Variants in RNF150 observed in about 807,000 individuals in gnomAD.
The protein encoded by RNF150 is ring finger protein 150.
RNF150 carries 24 observed loss-of-function variants against 39.3 expected under a neutral mutation model. That is an observed-to-expected ratio of 0.61 (90% CI 0.44 to 0.86). RNF150 has a LOEUF of 0.86. RNF150 is among the 40% of genes least tolerant of loss of function. The probability of loss-of-function intolerance (pLI) is 0.00; values close to 1 mark genes in which losing one functional copy is unlikely to be tolerated. For synonymous variants in RNF150, 255 were observed against 227.3 expected, an observed-to-expected ratio of 1.12 and a Z score of -1.10; for missense variants, 502 against 587.8, an observed-to-expected ratio of 0.85 and a Z score of 1.51.
chr4:141,067,950 AC>A (rs1737527294), intron 1 of RNF150, among the ~76,000 whole-genome samples: 1 of 141,766 alleles, frequency 7.1e-6, no homozygotes, highest in African/African-American at 2.6e-5. Context: ...GAGTCAAGAT[AC>A]TTTTTTTTTT....
intron 1 of RNF150, among the ~76,000 whole-genome samples, chr4:141,008,662 TC>T (rs1293347732): frequency 4.6e-5 from 7 of 152,204 alleles, no homozygotes; most frequent in Non-Finnish European, 1.0e-4. Context: ...AAAATTCCAT[TC>T]TTTCTCCTCT....
chr4:140,913,211 A>T (rs974890170), intron 5 of RNF150, among the ~76,000 whole-genome samples: 1 of 152,184 alleles, frequency 6.6e-6, no homozygotes, highest in Non-Finnish European at 1.5e-5. Flanking sequence ...CAGTGAGCCA[A>T]GATTGTCCCA....
At chr4:140,919,202 A>C (rs1419918779) in intron 5 of RNF150, among the ~76,000 whole-genome samples, 3 of 142,498 alleles carry the variant, frequency 2.1e-5, no homozygotes, top group African/African-American at 7.8e-5. Flanking sequence ...TAGGCAGGAG[A>C]AGGAAATAAA....
intron 1 of RNF150, among the ~76,000 whole-genome samples, chr4:141,040,861 TTTACAAAATTCAAATATACTTTAATA>T (rs1368052528): frequency 6.6e-6 from 1 of 152,176 alleles, no homozygotes; most frequent in African/African-American, 2.4e-5. Context: ...TAGATAATGT[TTTACAAAATTCAAATATACTTTAATA>T]TTACAAAATT....
intron 1 of RNF150, among the ~76,000 whole-genome samples, chr4:141,126,590 T>G (rs1198526809): frequency 6.6e-6 from 1 of 152,008 alleles, no homozygotes; most frequent in African/African-American, 2.4e-5. Context: ...AAGAGCCAGA[T>G]GGTAAAAAGT....
At chr4:140,905,804 C>T (rs762165973) in intron 6 of RNF150, among the ~76,000 whole-genome samples, 6 of 139,184 alleles carry the variant, frequency 4.3e-5, no homozygotes, top group Admixed American at 1.5e-4. Context: ...CCAAGACCTT[C>T]GTGGGGTCAA....
At chr4:140,878,909 A>G (rs1279708170) in intron 6 of RNF150, among the ~76,000 whole-genome samples, 2 of 152,162 alleles carry the variant, frequency 1.3e-5, no homozygotes, top group African/African-American at 4.8e-5. Context: ...TATTTAATTC[A>G]GTTTGAGTGA....
intron 6 of RNF150, among the ~76,000 whole-genome samples, chr4:140,895,627 G>A (rs1223590196): frequency 6.6e-6 from 1 of 152,202 alleles, no homozygotes; most frequent in Non-Finnish European, 1.5e-5. Flanking sequence ...CTGCTTAGCA[G>A]TTACCAACTC....
intron 1 of RNF150, among the ~76,000 whole-genome samples, chr4:141,195,166 G>T (rs1395478702): frequency 1.3e-5 from 2 of 151,618 alleles, no homozygotes; most frequent in African/African-American, 4.9e-5. Context: ...ACTAAAAAGA[G>T]AAGTTCCTCA....
chr4:141,060,125 G>C (rs1474890899), intron 1 of RNF150, among the ~76,000 whole-genome samples: 1 of 152,068 alleles, frequency 6.6e-6, no homozygotes, highest in Admixed American at 6.6e-5. Flanking sequence ...GACTGAAAAA[G>C]GTGGCTATAA....
chr4:140,865,747 C>A lies in RNF150; in HGVS notation c.*2514G>T, dbSNP rs1388834175. 6.6e-6 allele frequency: 1 copy of A among 152,474 alleles called. No individual in the cohort carries two copies. Among genetic ancestry groups the A allele is most frequent in the Admixed American group, 6.5e-5 (1 of 15,268 alleles). 9.4% of individuals were successfully genotyped at this position (152,474 alleles called of 1,614,324 possible). A position where few individuals can be genotyped will look rare whatever the true frequency, so the allele number is the denominator to read the frequency against. ...CCTGTAAGTGCAGCTGTGGCCAGGG[C>A]TTGCATATGCAATCAATTCCTGATT... On this transcript the variant is annotated 3_prime_UTR_variant, in exon 7 of 7. Transcript: ENST00000515673.
chr4:140,990,440 C>A (rs1734155465), intron 1 of RNF150, among the ~76,000 whole-genome samples: 1 of 152,132 alleles, frequency 6.6e-6, no homozygotes, highest in Admixed American at 6.6e-5. Flanking sequence ...CACCCATCAC[C>A]TAGGTATTAA....
chr4:140,875,327 C>A (rs1330923450), intron 6 of RNF150, among the ~76,000 whole-genome samples: 3 of 152,056 alleles, frequency 2.0e-5, no homozygotes, highest in Non-Finnish European at 4.4e-5. Flanking sequence ...CATGCACCAC[C>A]CATATCTGGC....
intron 1 of RNF150, among the ~76,000 whole-genome samples, chr4:141,115,912 A>C (rs542343818): frequency 6.6e-6 from 1 of 152,202 alleles, no homozygotes; most frequent in Non-Finnish European, 1.5e-5. Context: ...TATTTAACAA[A>C]TGGGTTTTGG....
At chr4:141,179,634 T>G (rs989813467) in intron 1 of RNF150, among the ~76,000 whole-genome samples, 1 of 152,178 alleles carries the variant, frequency 6.6e-6, no homozygotes, top group African/African-American at 2.4e-5. Flanking sequence ...GTTTCCTTTT[T>G]GCTTCTGGAT....
At chr4:141,019,790 T>C (rs554293601) in intron 1 of RNF150, among the ~76,000 whole-genome samples, 32 of 152,186 alleles carry the variant, frequency 2.1e-4, no homozygotes, top group Non-Finnish European at 3.4e-4. Context: ...CAAGGTTATT[T>C]TTTTGGTCCT....
chr4:140,880,286 G>T (rs182179336), intron 6 of RNF150, among the ~76,000 whole-genome samples: 1 of 152,052 alleles, frequency 6.6e-6, no homozygotes, highest in African/African-American at 2.4e-5. Flanking sequence ...CTGTTAATGT[G>T]GTGTATTACA....
chr4:140,911,929 AT>A (rs33941367), intron 5 of RNF150, among the ~76,000 whole-genome samples: 65,527 of 152,036 alleles, frequency 0.43, 14,607 homozygotes, highest in East Asian at 0.75. Context: ...CTATAGAAAA[AT>A]ATCCCTAAGT....
intron 6 of RNF150, among the ~76,000 whole-genome samples, chr4:140,900,981 A>G (rs1331647918): frequency 2.0e-5 from 3 of 152,210 alleles, no homozygotes; most frequent in Non-Finnish European, 4.4e-5. Context: ...ATTTGGGTCC[A>G]GATCTGTCTG....
Sources: gnomAD v4.1 joint callset for allele counts (sites outside exome capture counted in the v4.1 genomes callset) on GRCh38, gnomAD v4.1.1 for gene constraint, MANE v1.5 for transcripts, NCBI Gene and HGNC (gene_info 2026-07-23, HGNC 2026-07-21) for gene names.